The following LRP2 variants were observed in gnomAD, a reference collection of about 807,000 sequenced individuals.
LRP2 encodes low-density lipoprotein receptor-related protein 2.
LRP2 carries 172 observed loss-of-function variants against 531.0 expected under a neutral mutation model. The observed-to-expected ratio is 0.32, with a 90% CI of 0.29 to 0.37. LRP2 has a LOEUF of 0.37. Ranked by LOEUF, LRP2 falls within the 10% of genes least tolerant of loss-of-function variation. LRP2 has a pLI of 1.00. For synonymous variants in LRP2, 1,992 were observed against 2,027.6 expected (o/e 0.98, Z 0.47); for missense variants, 5,167 against 5,868.3 (o/e 0.88, Z 3.90).
intron 1 of LRP2, among the ~76,000 whole-genome samples, chr2:169,360,187 T>C (rs895517599): frequency 2.6e-5 from 4 of 150,984 alleles, no homozygotes; most frequent in African/African-American, 9.8e-5. Context: ...CTGTATACTG[T>C]AGCAATTATA....
At chr2:169,271,714 C>G in intron 15 of LRP2, 2 of 983,952 alleles carry the variant, frequency 2.0e-6, no homozygotes, top group Non-Finnish European at 2.4e-6. Context: ...GAGCTGAACT[C>G]TATAGTAATT....
intron 1 of LRP2, among the ~76,000 whole-genome samples, chr2:169,332,102 C>T (rs961278238): frequency 2.0e-5 from 3 of 152,164 alleles, no homozygotes; most frequent in Admixed American, 2.0e-4. Flanking sequence ...TCATTTTGGT[C>T]ATCTTAATAA....
intron 77 of LRP2, among the ~76,000 whole-genome samples, chr2:169,131,963 G>A (rs1263055766): frequency 1.3e-5 from 2 of 152,080 alleles, no homozygotes; most frequent in Non-Finnish European, 2.9e-5. Context: ...CAATTGCAAA[G>A]GACCTGCAGG....
chr2:169,160,343 A>T (rs537375000), intron 63 of LRP2, among the ~76,000 whole-genome samples: 24 of 152,282 alleles, frequency 1.6e-4, no homozygotes, highest in South Asian at 6.2e-4. Context: ...CTTGATTATA[A>T]CACATCACTA....
At chr2:169,342,416 A>G (rs1004377826) in intron 1 of LRP2, among the ~76,000 whole-genome samples, 5 of 152,126 alleles carry the variant, frequency 3.3e-5, no homozygotes, top group African/African-American at 1.2e-4. Context: ...TACCCTCATC[A>G]TCTGTCACCC....
At chr2:169,267,850 G>A (rs185143255) in intron 16 of LRP2, among the ~76,000 whole-genome samples, 12 of 152,112 alleles carry the variant, frequency 7.9e-5, no homozygotes, top group Admixed American at 7.9e-4. Context: ...AAAATTGATA[G>A]ACCGCTAGCA....
chr2:169,137,091 C>T (rs1468784655), intron 76 of LRP2, among the ~76,000 whole-genome samples: 1 of 152,244 alleles, frequency 6.6e-6, no homozygotes, highest in African/African-American at 2.4e-5. Context: ...GTTTCCCAGG[C>T]CCCTGAAGGG....
chr2:169,309,650 G>A (rs1394864470), intron 3 of LRP2, among the ~76,000 whole-genome samples: 1 of 152,194 alleles, frequency 6.6e-6, no homozygotes, highest in African/African-American at 2.4e-5. Context: ...TTTGAAGTCA[G>A]GTAGCATGAT....
chr2:169,269,561 C>T (rs1683342469), intron 16 of LRP2, among the ~76,000 whole-genome samples: 2 of 152,158 alleles, frequency 1.3e-5, no homozygotes, highest in Admixed American at 6.5e-5. Context: ...ATTTAGAAAG[C>T]TGAAACTGGA....
At position 169,211,962 on chromosome 2, in the gene LRP2, G is replaced by A. The variant is rs748354551; in HGVS notation, c.6280+6C>T. 6.2e-7 allele frequency: 1 copy of A among 1,613,796 alleles called. No individual in the cohort carries two copies. The highest frequency in any genetic ancestry group is 1.7e-4 in the Middle Eastern group (1 of 6,054). On this transcript the variant is annotated splice_donor_region_variant and intron_variant, in intron 37 of 78. Transcript: ENST00000649046. ...TCAAATCTTACTTATATTGGAGTTG[G>A]CATACCTTGGCCTGCCACCGGCACC...
At chr2:169,157,584 G>A (rs1203703397) in intron 63 of LRP2, 82 bp from the exon 64 acceptor site, 37 of 1,495,158 alleles carry the variant, frequency 2.5e-5, no homozygotes, top group African/African-American at 9.7e-5. Flanking sequence ...GCACCTACTC[G>A]TAACCAACTA....
At chr2:169,130,254 T>C (rs941679346) in intron 77 of LRP2, among the ~76,000 whole-genome samples, 3 of 151,978 alleles carry the variant, frequency 2.0e-5, no homozygotes, top group Non-Finnish European at 4.4e-5. Context: ...CCTATGCATA[T>C]CAATGTAACT....
At chr2:169,179,469 C>T (rs946849607) in intron 52 of LRP2, among the ~76,000 whole-genome samples, 3 of 152,094 alleles carry the variant, frequency 2.0e-5, no homozygotes, top group African/African-American at 7.2e-5. Context: ...GCCTGTAATC[C>T]CAACACTTAG....
intron 17 of LRP2, among the ~76,000 whole-genome samples, chr2:169,258,594 T>C (rs1388497307): frequency 6.6e-6 from 1 of 152,106 alleles, no homozygotes; most frequent in East Asian, 1.9e-4. Context: ...ACATGAAACT[T>C]TGTGGTCTGA....
Position 169,209,492 on chromosome 2 carries a change from C to T in LRP2, c.6430G>A (p.Glu2144Lys). The T allele has an allele frequency of 6.2e-7, 1 of 1,614,180 alleles. No individual in the cohort carries two copies. Residue 2144 changes from glutamate to lysine, a missense_variant, in exon 38 of 79, where the codon GAA becomes AAA. Glu to Lys is a moderately conservative substitution (Grantham distance 56). Around this residue, in one of 6 missense-constraint regions of LRP2, gnomAD observed 2,811 missense variants for 3,058.0 expected, o/e 0.92. Coordinates refer to ENST00000649046, the MANE Select transcript of LRP2 (RefSeq NM_004525.3). ...LMNIVTHGIGENGVRGIAVDW... is the reference protein window; with the variant it reads ...LMNIVTHGIGKNGVRGIAVDW... ...ACTGCAATACCCCGGACTCCATTTT[C>T]TCCTATTCCATGTGTCACAATGTTC...
At chr2:169,232,870 A>C (rs1261592341) in intron 30 of LRP2, among the ~76,000 whole-genome samples, 1 of 152,184 alleles carries the variant, frequency 6.6e-6, no homozygotes, top group Non-Finnish European at 1.5e-5. Context: ...AAACAATTGG[A>C]GAGTTTTGAG....
chr2:169,219,965 C>T (rs1688930640), intron 34 of LRP2, among the ~76,000 whole-genome samples: 2 of 152,108 alleles, frequency 1.3e-5, no homozygotes. Flanking sequence ...CTACTCTAAG[C>T]CTCTGGTTCC....
At chr2:169,153,453 C>T (rs919491269) in intron 66 of LRP2, among the ~76,000 whole-genome samples, 13 of 152,190 alleles carry the variant, frequency 8.5e-5, no homozygotes, top group African/African-American at 2.2e-4. Flanking sequence ...GAGGGATGCA[C>T]TGGACACCTG....
chr2:169,172,000 AC>A lies in LRP2; in HGVS notation c.11263+14del. On this transcript the variant is annotated intron_variant, in intron 58 of 78. Transcript: ENST00000649046. ...TCTGGTGGTATATAAGGACCATAGG[AC>A]TGTGAACACTCACCACAGTTTTCCT... 6.2e-7 allele frequency: 1 copy of A among 1,614,008 alleles called. No individual in the cohort carries two copies. Among genetic ancestry groups the A allele is most frequent in the Non-Finnish European group, 8.5e-7 (1 of 1,179,934 alleles).
Sources: allele counts gnomAD v4.1 joint callset (sites outside exome capture counted in the v4.1 genomes callset), GRCh38; gene constraint gnomAD v4.1.1; regional missense constraint gnomAD v4.1.1; transcripts MANE v1.5; gene names NCBI Gene and HGNC (gene_info 2026-07-23, HGNC 2026-07-21).